TATDN1: variants seen among roughly 807,000 people sequenced by gnomAD.
TATDN1 encodes TatD DNase domain containing 1.
A neutral mutation model predicts 46.4 loss-of-function variants in TATDN1; 40 were observed. That is an observed-to-expected ratio of 0.86 (90% CI 0.67 to 1.12). The LOEUF is 1.12. TATDN1 is among the 50% of genes most tolerant of loss of function. The pLI, the probability that TATDN1 is intolerant of heterozygous loss-of-function variation, is 0.00. For missense variants in TATDN1, 326 were observed against 348.4 expected (o/e 0.94, Z 0.51); for synonymous variants, 95 against 105.6 (o/e 0.90, Z 0.62).
At chr8:124,494,037 C>G in intron 10 of TATDN1, 78 bp from the exon 11 acceptor site, 1 of 1,355,342 alleles carries the variant, frequency 7.4e-7, no homozygotes, top group Non-Finnish European at 9.8e-7. Flanking sequence ...AATATATAAC[C>G]TCTAAATGAT....
intron 11 of TATDN1, among the ~76,000 whole-genome samples, chr8:124,492,838 T>C (rs929278548): frequency 6.6e-6 from 1 of 152,120 alleles, no homozygotes; most frequent in South Asian, 2.1e-4. Context: ...TTTAAAATTT[T>C]CTTTATTTCT....
intron 9 of TATDN1, among the ~76,000 whole-genome samples, chr8:124,499,730 G>A (rs1817782546): frequency 6.6e-6 from 1 of 151,640 alleles, no homozygotes; most frequent in South Asian, 2.1e-4. Flanking sequence ...ATTTTTAGTA[G>A]AGACAGGGTT....
intron 2 of TATDN1, 77 bp downstream of exon 2, chr8:124,522,860 T>C: frequency 8.0e-7 from 1 of 1,244,822 alleles, no homozygotes; most frequent in East Asian, 2.3e-5. Context: ...CAGCTTGAAT[T>C]ATGCTTTTCA....
At chr8:124,499,735 A>G (rs1204513619) in intron 9 of TATDN1, among the ~76,000 whole-genome samples, 1 of 150,936 alleles carries the variant, frequency 6.6e-6, no homozygotes, top group South Asian at 2.1e-4. Flanking sequence ...TAGTAGAGAC[A>G]GGGTTTCACT....
intron 3 of TATDN1, among the ~76,000 whole-genome samples, chr8:124,519,729 GA>G (rs1330181659): frequency 6.6e-6 from 1 of 152,200 alleles, no homozygotes; most frequent in Non-Finnish European, 1.5e-5. Flanking sequence ...GCATGCTAAT[GA>G]ATTCTCTGTA....
intron 1 of TATDN1, among the ~76,000 whole-genome samples, chr8:124,537,677 G>A (rs145522446): frequency 7.2e-4 from 110 of 152,228 alleles, no homozygotes; most frequent in African/African-American, 2.3e-3. Flanking sequence ...TCTTTACGGA[G>A]TACTTCATGG....
chr8:124,500,306 TA>T (rs2131376918), intron 9 of TATDN1, among the ~76,000 whole-genome samples: 1 of 152,366 alleles, frequency 6.6e-6, no homozygotes, highest in Admixed American at 6.5e-5. Flanking sequence ...TCCACTTTAA[TA>T]AATGACTAAC....
At chr8:124,535,845 A>T (rs1821386270) in intron 1 of TATDN1, among the ~76,000 whole-genome samples, 1 of 152,136 alleles carries the variant, frequency 6.6e-6, no homozygotes. Context: ...ATCCTGGTGG[A>T]AAGGGAAGGG....
intron 4 of TATDN1, among the ~76,000 whole-genome samples, chr8:124,516,548 G>A (rs535375228): frequency 3.4e-4 from 51 of 151,926 alleles, no homozygotes; most frequent in African/African-American, 1.1e-3. Context: ...GAGCTCAAGC[G>A]ATCCACCTGC....
At chr8:124,488,882 T>C (rs1404428876) in intron 11 of TATDN1, 186 bp from the exon 12 acceptor site, 5 of 556,504 alleles carry the variant, frequency 9.0e-6, no homozygotes, top group Non-Finnish European at 1.6e-5. Flanking sequence ...AACAGATTTA[T>C]GGACTGTCTT....
intron 1 of TATDN1, among the ~76,000 whole-genome samples, chr8:124,532,291 T>C (rs980396649): frequency 2.6e-5 from 4 of 152,194 alleles, no homozygotes; most frequent in Admixed American, 2.0e-4. Flanking sequence ...TCTTTGTTTT[T>C]GTTTTTTTCT....
intron 9 of TATDN1, among the ~76,000 whole-genome samples, chr8:124,496,391 T>TTTACCCCA (rs1817468083): frequency 6.6e-6 from 1 of 152,214 alleles, no homozygotes; most frequent in Non-Finnish European, 1.5e-5. Context: ...CTTGGTTTCA[T>TTTACCCCA]GTGTTCTGTG....
At chr8:124,531,542 A>G (rs1288301052) in intron 1 of TATDN1, among the ~76,000 whole-genome samples, 3 of 152,156 alleles carry the variant, frequency 2.0e-5, no homozygotes, top group Non-Finnish European at 2.9e-5. Context: ...CTAGATAGGA[A>G]TGGTTTTTCT....
chr8:124,505,691 T>C (rs1404647802), intron 8 of TATDN1, among the ~76,000 whole-genome samples: 1 of 152,000 alleles, frequency 6.6e-6, no homozygotes, highest in East Asian at 2.0e-4. Flanking sequence ...AAACAACATA[T>C]AACAACAGCC....
intron 4 of TATDN1, among the ~76,000 whole-genome samples, chr8:124,517,375 C>T (rs1186755927): frequency 6.6e-6 from 1 of 150,764 alleles, no homozygotes; most frequent in Non-Finnish European, 1.5e-5. Flanking sequence ...TTGCCGTGAG[C>T]CGAGATCGTG....
intron 1 of TATDN1, among the ~76,000 whole-genome samples, chr8:124,525,063 C>T (rs1023368206): frequency 2.0e-5 from 3 of 152,164 alleles, no homozygotes; most frequent in African/African-American, 7.2e-5. Flanking sequence ...GTGAGAAGCA[C>T]TTAAAGGCCA....
intron 5 of TATDN1, 30 bp downstream of exon 5, chr8:124,515,857 G>A (rs1189444817): frequency 1.9e-6 from 3 of 1,613,464 alleles, no homozygotes; most frequent in African/African-American, 1.3e-5. Flanking sequence ...TTCAAACAAT[G>A]TCACTCTAAG....
In TATDN1 at chr8:124,539,064, C is replaced by T. The variant is rs199887656; in HGVS notation, c.-18G>A. The T allele has an allele frequency of 1.4e-5, 22 of 1,612,532 alleles. No homozygotes were observed. The highest frequency in any genetic ancestry group is 1.8e-5 in the Non-Finnish European group (21 of 1,178,714). ...CGACTCATGACTGCGCATGGAGGACCTCCCCAGCGGAAGCGGAAGTGGCCG... is the reference window on the plus strand; with the variant it reads ...CGACTCATGACTGCGCATGGAGGACTTCCCCAGCGGAAGCGGAAGTGGCCG... On this transcript the variant is annotated 5_prime_UTR_variant, in exon 1 of 12. Coordinates refer to ENST00000276692, the MANE Select transcript of TATDN1 (RefSeq NM_032026.4).
At chr8:124,538,026 A>G (rs1821626185) in intron 1 of TATDN1, among the ~76,000 whole-genome samples, 1 of 152,142 alleles carries the variant, frequency 6.6e-6, no homozygotes, top group Non-Finnish European at 1.5e-5. Flanking sequence ...CCACATTCCC[A>G]ATTGCCCAGA....
Sources: gnomAD v4.1 joint callset for allele counts (sites outside exome capture counted in the v4.1 genomes callset) on GRCh38, gnomAD v4.1.1 for gene constraint, MANE v1.5 for transcripts, NCBI Gene and HGNC (gene_info 2026-07-23, HGNC 2026-07-21) for gene names.